Variants in SEC23IP observed in about 807,000 individuals in gnomAD.
SEC23IP encodes the protein SEC23 interacting protein, also known as SEC23-interacting protein.
A neutral mutation model predicts 113.4 loss-of-function variants in SEC23IP; 70 were observed. That is an observed-to-expected ratio of 0.62 (90% CI 0.51 to 0.75). The LOEUF is 0.75. Among genes scored for constraint, SEC23IP ranks in the 30% least tolerant of loss-of-function variants. The pLI is 0.00. For missense variants in SEC23IP, 1,160 were observed against 1,204.9 expected (o/e 0.96, Z 0.55); for synonymous variants, 398 against 421.0 (o/e 0.95, Z 0.67).
At chr10:119,919,737 A>G in intron 11 of SEC23IP, 141 bp downstream of exon 11, 1 of 716,062 alleles carries the variant, frequency 1.4e-6, no homozygotes, top group Non-Finnish European at 2.1e-6. Flanking sequence ...AAAACACAGA[A>G]GAATATTTTT....
Position 119,894,887 on chromosome 10 carries a change from ACAGT to A in SEC23IP, c.163+1944_163+1947del, listed in dbSNP as rs1399279967. Among the ~76,000 whole-genome samples the A allele has an allele frequency of 3.8e-3, 516 of 137,294 alleles. 9 individuals carry two copies. The highest frequency in any genetic ancestry group is 0.02 in the East Asian group (95 of 4,846). The allele number at this position is 137,294 out of a possible 152,430, so 90.1% of individuals were successfully genotyped here. A position where few individuals can be genotyped will look rare whatever the true frequency, so the allele number is the denominator to read the frequency against. On this transcript the variant is annotated intron_variant, in intron 1 of 18. Transcript: ENST00000369075. ...TCTTTAATGCTTTTGTTTCTTGGAG[ACAGT>A]CTGTGTGTGTGTGTGTGTGTGTGTG... is the stretch of plus-strand genomic sequence containing the variant.
intron 6 of SEC23IP, among the ~76,000 whole-genome samples, chr10:119,913,496 C>CT (rs558792370): frequency 1.6e-3 from 232 of 144,336 alleles, no homozygotes; most frequent in Admixed American, 8.2e-3. Flanking sequence ...TTCCATAAAG[C>CT]TTTTTTTTTT....
Position 119,920,837 on chromosome 10 carries a change from C to T in SEC23IP, c.2026-52C>T, listed in dbSNP as rs1286710126. 1.1e-5 allele frequency: 13 copies of T among 1,202,690 alleles called. No individual in the cohort carries two copies. In the Admixed American group the frequency reaches 1.6e-4, roughly 15 times the overall value. The allele number at this position is 1,202,690 out of a possible 1,614,324, so 74.5% of individuals were successfully genotyped here. A position where few individuals can be genotyped will look rare whatever the true frequency, so the allele number is the denominator to read the frequency against. On this transcript the variant is annotated intron_variant, in intron 11 of 18. Coordinates refer to ENST00000369075, the MANE Select transcript of SEC23IP (RefSeq NM_007190.4). ...CTTTATAATTTTCATATTCTCATTTCAGTTCTTCTATCACTAGATTGATTA... is the reference window on the plus strand; with the variant it reads ...CTTTATAATTTTCATATTCTCATTTTAGTTCTTCTATCACTAGATTGATTA...
At chr10:119,922,569 C>T (rs941054923) in intron 12 of SEC23IP, among the ~76,000 whole-genome samples, 3 of 151,942 alleles carry the variant, frequency 2.0e-5, no homozygotes, top group African/African-American at 4.8e-5. Context: ...GTTGGAAAGG[C>T]GTGAAGTGGA....
In SEC23IP at chr10:119,930,811, C is replaced by T. The variant is rs561179007; in HGVS notation, c.2572+380C>T. 3.9e-5 allele frequency among the ~76,000 whole-genome samples: 6 copies of T among 152,270 alleles called. No individual in the cohort carries two copies. In the South Asian group the frequency reaches 6.2e-4, roughly 16 times the overall value. ...AAGTGAGCTGTTATTTTCTTGCTAA[C>T]TAGACACACCTTCCTGTTAAAAAAA... is the stretch of plus-strand genomic sequence containing the variant. On this transcript the variant is annotated intron_variant, in intron 15 of 18. Transcript: ENST00000369075.
At chr10:119,894,241 TTA>T in intron 1 of SEC23IP, among the ~76,000 whole-genome samples, 1 of 152,380 alleles carries the variant, frequency 6.6e-6, no homozygotes, top group African/African-American at 2.4e-5. Flanking sequence ...AATTGCCTTT[TTA>T]TCTCCAGGAT....
intron 15 of SEC23IP, among the ~76,000 whole-genome samples, chr10:119,931,271 CAA>C (rs71019733): frequency 0.075 from 7,000 of 93,366 alleles, 262 homozygotes; most frequent in South Asian, 0.25. Flanking sequence ...GACTCCGTCT[CAA>C]AAAAAAAAAA....
intron 12 of SEC23IP, among the ~76,000 whole-genome samples, chr10:119,923,355 G>A (rs1194511484): frequency 6.6e-6 from 1 of 151,586 alleles, no homozygotes; most frequent in East Asian, 1.9e-4. Context: ...GTAATATGGT[G>A]TGTCCTGTTG....
chr10:119,908,896 T>TA, intron 4 of SEC23IP, 145 bp from the exon 5 acceptor site: 2 of 601,062 alleles, frequency 3.3e-6, no homozygotes, highest in Non-Finnish European at 5.9e-6. Context: ...TGTAAGGTGA[T>TA]AAAAAATATG....
At chr10:119,921,610 T>C (rs1855252314) in intron 12 of SEC23IP, among the ~76,000 whole-genome samples, 1 of 152,180 alleles carries the variant, frequency 6.6e-6, no homozygotes, top group South Asian at 2.1e-4. Context: ...AGGAAAAACA[T>C]ACACACTGAA....
At chr10:119,927,416 T>C (rs1381465783) in intron 13 of SEC23IP, among the ~76,000 whole-genome samples, 1 of 152,242 alleles carries the variant, frequency 6.6e-6, no homozygotes, top group African/African-American at 2.4e-5. Flanking sequence ...CTATTTTCTC[T>C]CTGAAACTTG....
chr10:119,940,067 C>T (rs186597503), intron 18 of SEC23IP, among the ~76,000 whole-genome samples: 29 of 152,208 alleles, frequency 1.9e-4, no homozygotes, highest in Middle Eastern at 3.4e-3. Context: ...GCTGGTTAAT[C>T]TTACTGAGTG....
Position 119,923,002 on chromosome 10 carries a change from T to TAA in SEC23IP, c.2121+2028_2121+2029dup, listed in dbSNP as rs57132392. ...TATACATCAGTGAAGCAAAAGCCTA[T>TAA]AAAAAAAAAAACAAAAAAAACAAGA... On this transcript the variant is annotated intron_variant, in intron 12 of 18. Transcript: ENST00000369075. Among the ~76,000 whole-genome samples, 691 of 145,244 alleles carry TAA rather than the reference T, an allele frequency of 4.8e-3. 3 individuals carry two copies. Among genetic ancestry groups the TAA allele is most frequent in the African/African-American group, 0.013 (510 of 39,618 alleles).
intron 12 of SEC23IP, 54 bp from the exon 13 acceptor site, chr10:119,925,982 C>A: frequency 7.0e-7 from 1 of 1,436,476 alleles, no homozygotes. Context: ...GTAATGATAG[C>A]TGAGAGCTGA....
intron 2 of SEC23IP, 94 bp downstream of exon 2, chr10:119,899,053 C>T: frequency 9.2e-7 from 1 of 1,088,162 alleles, no homozygotes; most frequent in Non-Finnish European, 1.3e-6. Context: ...ATCTTATAAT[C>T]AATATGGTGA....
In SEC23IP at chr10:119,932,151, C is replaced by T; in HGVS notation, c.2591C>T (p.Ser864Phe). The change falls in exon 16 of 19, where the codon TCT becomes TTT. Residue 864 changes from serine to phenylalanine, a missense_variant. Transcript: ENST00000369075. Reference protein sequence around the residue: ...RLHLELKESLSRMGSDLKQGF... With the variant: ...RLHLELKESLFRMGSDLKQGF... ...TCTTTAGAATTGAAAGAGAGTCTCT[C>T]TCGTATGGGATCTGATTTGAAGCAG... 6.2e-7 allele frequency: 1 copy of T among 1,610,008 alleles called. No individual in the cohort carries two copies. The highest frequency in any genetic ancestry group is 8.5e-7 in the Non-Finnish European group (1 of 1,176,362).
At chr10:119,926,267 G>A (rs1382685880) in intron 13 of SEC23IP, 40 bp downstream of exon 13, 1 of 1,522,590 alleles carries the variant, frequency 6.6e-7, no homozygotes, top group Non-Finnish European at 8.9e-7. Context: ...AGTTCATGTT[G>A]GAATCATAAT....
intron 6 of SEC23IP, among the ~76,000 whole-genome samples, chr10:119,914,076 C>T (rs1013182924): frequency 6.6e-6 from 1 of 152,258 alleles, no homozygotes; most frequent in African/African-American, 2.4e-5. Context: ...AAGAGAATTG[C>T]TTGAACCCGG....
At position 119,904,116 on chromosome 10, in the gene SEC23IP, A is replaced by C; in HGVS notation, c.940A>C (p.Thr314Pro). The change falls in exon 4 of 19, where the codon ACG becomes CCG. Residue 314 changes from threonine to proline, a missense_variant. Thr to Pro is a conservative substitution (Grantham distance 38). Coordinates refer to ENST00000369075, the MANE Select transcript of SEC23IP (RefSeq NM_007190.4). ...AGATCCGGAGAGCGTGGTTCTTGGC[A>C]CGGATGGAGGGCGCTACGATGTTTA... ...QPDPESVVLG[T>P]DGGRYDVYLY... 1 of 1,614,204 alleles carries C rather than the reference A, an allele frequency of 6.2e-7. No individual in the cohort carries two copies. The highest frequency in any genetic ancestry group is 8.5e-7 in the Non-Finnish European group (1 of 1,180,026).
Sources: gnomAD v4.1 joint callset for allele counts (sites outside exome capture counted in the v4.1 genomes callset) on GRCh38, gnomAD v4.1.1 for gene constraint, MANE v1.5 for transcripts, NCBI Gene and HGNC (gene_info 2026-07-23, HGNC 2026-07-21) for gene names.